The following PLEKHG4B variants were observed in gnomAD, a reference collection of about 807,000 sequenced individuals.
The protein encoded by PLEKHG4B is pleckstrin homology domain-containing family G member 4B.
A neutral mutation model predicts 121.3 loss-of-function variants in PLEKHG4B; 111 were observed. The observed-to-expected ratio is 0.92, with a 90% CI of 0.78 to 1.07. The LOEUF is 1.07. PLEKHG4B is among the 50% of genes least tolerant of loss of function. The probability of loss-of-function intolerance (pLI) is 0.00; values close to 1 mark genes in which losing one functional copy is unlikely to be tolerated. For missense variants in PLEKHG4B, 1,831 were observed against 1,757.8 expected, an observed-to-expected ratio of 1.04 and a Z score of -0.74; for synonymous variants, 738 against 725.0, an observed-to-expected ratio of 1.02 and a Z score of -0.29.
chr5:111,247 C>T (rs891704400), intron 1 of PLEKHG4B, among the ~76,000 whole-genome samples: 2 of 152,260 alleles, frequency 1.3e-5, no homozygotes, highest in African/African-American at 4.8e-5. Context: ...TTGGGTTACT[C>T]AGCACCTCAA....
rs1423637165 is a variant in PLEKHG4B, at chr5:187,251, G to A, written c.*4928G>A. On this transcript the variant is annotated 3_prime_UTR_variant, in exon 20 of 20. Coordinates refer to ENST00000637938, the MANE Select transcript of PLEKHG4B (RefSeq NM_052909.5). ...ATCCCCTTGAGGACAGCAGGGAGGC[G>A]ACTCAGGAGAGGCTGATCAGACGGG... The A allele has an allele frequency of 6.6e-6, 1 of 152,300 alleles. No individual in the cohort carries two copies. The highest frequency in any genetic ancestry group is 6.5e-5 in the Admixed American group (1 of 15,288). 9.4% of individuals were successfully genotyped at this position (152,300 alleles called of 1,614,324 possible).
Position 161,929 on chromosome 5 carries a change from C to T in PLEKHG4B, c.2634C>T (p.Ser878=), listed in dbSNP as rs141238362. 529 of 1,611,504 alleles carry T rather than the reference C, an allele frequency of 3.3e-4. No homozygotes were observed. The highest frequency in any genetic ancestry group is 3.9e-4 in the Non-Finnish European group (460 of 1,179,418). ...EGELARWTRS[S]ELCETVSSWM... is the part of the protein sequence containing the mutation. Reference sequence around the variant, plus strand: ...AGCTGGCCAGGTGGACCCGCTCGTCCGAGTTGTGCGAGACGGTAAGAGACC... The same window carrying T: ...AGCTGGCCAGGTGGACCCGCTCGTCTGAGTTGTGCGAGACGGTAAGAGACC... Residue 878 remains serine (S), a synonymous_variant, in exon 12 of 20, where the codon TCC becomes TCT. Coordinates refer to ENST00000637938, the MANE Select transcript of PLEKHG4B (RefSeq NM_052909.5).
At chr5:94,554 G>A (rs530319633) in intron 1 of PLEKHG4B, among the ~76,000 whole-genome samples, 6 of 144,852 alleles carry the variant, frequency 4.1e-5, no homozygotes, top group Admixed American at 4.0e-4. Flanking sequence ...TCTGGGCAGG[G>A]GGAGAGTGAA....
chr5:105,042 A>G lies in PLEKHG4B; in HGVS notation c.46-8209A>G, dbSNP rs548639773. 8.4e-3 allele frequency among the ~76,000 whole-genome samples: 785 copies of G among 93,822 alleles called. 1 individual carries two copies. Among genetic ancestry groups the G allele is most frequent in the Non-Finnish European group, 9.3e-3 (451 of 48,404 alleles). 61.6% of individuals were successfully genotyped at this position (93,822 alleles called of 152,430 possible). On this transcript the variant is annotated intron_variant, in intron 1 of 19. Transcript: ENST00000637938. ...CTGGTGTTCCCATCCTGAAGGTGGAAAAACAGTGCACAGTGGGTGAGGGCT... is the reference window on the plus strand; with the variant it reads ...CTGGTGTTCCCATCCTGAAGGTGGAGAAACAGTGCACAGTGGGTGAGGGCT...
At chr5:112,852 G>T (rs149282112) in intron 1 of PLEKHG4B, among the ~76,000 whole-genome samples, 1 of 152,142 alleles carries the variant, frequency 6.6e-6, no homozygotes, top group Admixed American at 6.5e-5. Context: ...AGCAGCTCCC[G>T]CAGGACTCAC....
At chr5:122,401 TTTTATTTA>T (rs369224362) in intron 2 of PLEKHG4B, among the ~76,000 whole-genome samples, 8 of 108,522 alleles carry the variant, frequency 7.4e-5, no homozygotes, top group South Asian at 4.6e-4. Flanking sequence ...TGCCCTTTAT[TTTTATTTA>T]TTTATTTATT....
chr5:130,541 G>A (rs977697047), intron 2 of PLEKHG4B, among the ~76,000 whole-genome samples: 2 of 152,174 alleles, frequency 1.3e-5, no homozygotes, highest in Non-Finnish European at 2.9e-5. Flanking sequence ...ATATGCCTTT[G>A]TTATGATCAA....
At chr5:115,203 C>T (rs1448071764) in intron 2 of PLEKHG4B, among the ~76,000 whole-genome samples, 2 of 152,204 alleles carry the variant, frequency 1.3e-5, no homozygotes, top group Non-Finnish European at 2.9e-5. Flanking sequence ...ACATCTTCAT[C>T]AGAGCTCTTG....
intron 1 of PLEKHG4B, among the ~76,000 whole-genome samples, chr5:100,045 A>C (rs963925010): frequency 6.6e-5 from 10 of 152,108 alleles, no homozygotes; most frequent in Non-Finnish European, 1.5e-4. Context: ...CTTACGTTGA[A>C]GAACGCTTGC....
chr5:164,566 G>GCTCACACGGTAATGCTCTGAC (rs1560944821), intron 13 of PLEKHG4B, among the ~76,000 whole-genome samples: 1 of 40,702 alleles, frequency 2.5e-5, no homozygotes, highest in Admixed American at 2.0e-4. Flanking sequence ...TGCTCTGACA[G>GCTCACACGGTAATGCTCTGAC]GGGGCGGAGC....
chr5:135,187 C>CAAAAAAAAAAAAAAAAAAAAAA (rs35601775), intron 2 of PLEKHG4B, among the ~76,000 whole-genome samples: 4 of 48,778 alleles, frequency 8.2e-5, no homozygotes, highest in African/African-American at 2.5e-4. Flanking sequence ...GACTCCAGCT[C>CAAAAAAAAAAAAAAAAAAAAAA]AAAAAAAAAA....
intron 18 of PLEKHG4B, among the ~76,000 whole-genome samples, chr5:177,463 C>T (rs1356014252): frequency 6.6e-6 from 1 of 152,192 alleles, no homozygotes; most frequent in Non-Finnish European, 1.5e-5. Context: ...TTTAAGACCA[C>T]TTTGGTCAAA....
chr5:124,383 T>C (rs559198480), intron 2 of PLEKHG4B, among the ~76,000 whole-genome samples: 2 of 152,354 alleles, frequency 1.3e-5, no homozygotes, highest in South Asian at 4.1e-4. Context: ...TGCATATGTC[T>C]GTTAGATGGA....
chr5:158,109 C>T (rs558038893), intron 11 of PLEKHG4B, among the ~76,000 whole-genome samples: 4 of 152,290 alleles, frequency 2.6e-5, no homozygotes, highest in Admixed American at 6.5e-5. Context: ...CCAGCCAGTC[C>T]GGGCTGTCTC....
In PLEKHG4B at chr5:156,343, A is replaced by C. The variant is rs1474233494; in HGVS notation, c.2348+133A>C. The C allele has an allele frequency of 9.7e-7, 1 of 1,031,720 alleles. No homozygotes were observed. Among genetic ancestry groups the C allele is most frequent in the East Asian group, 2.9e-5 (1 of 33,964 alleles). The allele number at this position is 1,031,720 out of a possible 1,614,324, so 63.9% of individuals were successfully genotyped here. A position where few individuals can be genotyped will look rare whatever the true frequency, so the allele number is the denominator to read the frequency against. On this transcript the variant is annotated intron_variant, in intron 10 of 19. Coordinates refer to ENST00000637938, the MANE Select transcript of PLEKHG4B (RefSeq NM_052909.5). The surrounding 1 kb of genome is among the most constrained non-coding windows in gnomAD (Gnocchi z 4.4). ...GCTTGGTCCAGACCTCCATTCTGAC[A>C]GCCACGCTTTGCCTGGGTCAGAGCT...
intron 1 of PLEKHG4B, among the ~76,000 whole-genome samples, chr5:96,029 T>G (rs1186820669): frequency 6.6e-6 from 1 of 152,216 alleles, no homozygotes; most frequent in Admixed American, 6.5e-5. Flanking sequence ...ATCGGGGGAT[T>G]GGAATGAGTT....
Position 162,093 on chromosome 5 carries a change from C to T in PLEKHG4B, c.2649+149C>T. ...ATGGAGCCCCCCTGGCCACTGCGCC[C>T]ACGGCTCTCTGGAGAAGGCTCTGAG... On this transcript the variant is annotated intron_variant, in intron 12 of 19. Transcript: ENST00000637938. 1.2e-5 allele frequency: 13 copies of T among 1,054,606 alleles called. No homozygotes were observed. The Admixed American group carries it at 2.9e-4, about 23-fold the overall frequency. The allele number at this position is 1,054,606 out of a possible 1,614,324, so 65.3% of individuals were successfully genotyped here.
At chr5:109,261 G>A (rs551041950) in intron 1 of PLEKHG4B, among the ~76,000 whole-genome samples, 2 of 152,168 alleles carry the variant, frequency 1.3e-5, no homozygotes, top group South Asian at 2.1e-4. Context: ...GCGGTTAGTG[G>A]TGGTACACAC....
intron 2 of PLEKHG4B, among the ~76,000 whole-genome samples, chr5:119,064 T>G (rs1434396868): frequency 1.3e-5 from 2 of 152,048 alleles, no homozygotes; most frequent in East Asian, 3.9e-4. Flanking sequence ...TTCAGTATGT[T>G]TCCCAGGCTG....
Sources: gnomAD v4.1 joint callset for allele counts (sites outside exome capture counted in the v4.1 genomes callset) on GRCh38, gnomAD v4.1.1 for gene constraint, Gnocchi (gnomAD v3.1) non-coding constraint, MANE v1.5 for transcripts, NCBI Gene and HGNC (gene_info 2026-07-23, HGNC 2026-07-21) for gene names.